Variants in TRIM5 observed in about 807,000 individuals in gnomAD.
TRIM5 encodes tripartite motif containing 5, also known as tripartite motif-containing protein 5.
A neutral mutation model predicts 35.6 loss-of-function variants in TRIM5; 31 were observed. The observed-to-expected ratio is 0.87, with a 90% CI of 0.65 to 1.18. TRIM5 has a LOEUF of 1.18. Ranked by LOEUF, TRIM5 falls within the 50% of genes most tolerant of loss-of-function variation. The pLI is 0.00. For synonymous variants in TRIM5, 243 were observed against 215.6 expected (o/e 1.13, Z -1.11); for missense variants, 609 against 591.6 (o/e 1.03, Z -0.31).
the TRIM5 span, chr11:5,643,951 C>T: frequency 1.9e-6 from 1 of 528,036 alleles, no homozygotes; most frequent in South Asian, 3.9e-5. Context: ...ATGGGTATAA[C>T]ATCCTTGCCT....
chr11:5,599,617 A>C, the TRIM5 span, among the ~76,000 whole-genome samples: 1 of 152,234 alleles, frequency 6.6e-6, no homozygotes, highest in East Asian at 1.9e-4. Flanking sequence ...GTTAGCCAGG[A>C]TGGTCTCGAT....
the TRIM5 span, among the ~76,000 whole-genome samples, chr11:5,599,258 TCTC>T: frequency 6.6e-6 from 1 of 152,108 alleles, no homozygotes; most frequent in Non-Finnish European, 1.5e-5. Context: ...AGGCAGTAGT[TCTC>T]CTTCAAGAGA....
chr11:5,617,115 T>C, the TRIM5 span, among the ~76,000 whole-genome samples: 1 of 143,432 alleles, frequency 7.0e-6, no homozygotes, highest in Non-Finnish European at 1.5e-5. Context: ...AAATAAAATA[T>C]TGATTCATTT....
At chr11:5,589,384 A>T in the TRIM5 span, 1 of 152,112 alleles carries the variant, frequency 6.6e-6, no homozygotes, top group African/African-American at 2.4e-5. Flanking sequence ...TGCCCATAGA[A>T]ATGCAAATTA....
At chr11:5,642,099 C>T in the TRIM5 span, among the ~76,000 whole-genome samples, 95 of 152,218 alleles carry the variant, frequency 6.2e-4, 1 homozygote, top group Non-Finnish European at 5.1e-4. Flanking sequence ...CTTTTCCTAT[C>T]GTTTTATCCA....
chr11:5,650,233 C>T, the TRIM5 span, among the ~76,000 whole-genome samples: 2 of 152,200 alleles, frequency 1.3e-5, no homozygotes, highest in African/African-American at 2.4e-5. Context: ...CAATGTGCAA[C>T]TAAGGTAGCT....
intron 3 of TRIM5, among the ~76,000 whole-genome samples, chr11:5,678,862 C>T (rs1852202525): frequency 6.6e-6 from 1 of 152,174 alleles, no homozygotes; most frequent in African/African-American, 2.4e-5. Flanking sequence ...GCCATCCTCA[C>T]CAGAGAGATC....
the TRIM5 span, chr11:5,643,844 G>A: frequency 2.5e-6 from 3 of 1,218,654 alleles, no homozygotes; most frequent in African/African-American, 3.0e-5. Context: ...GATGTATGGT[G>A]TATTTGGCTT....
the TRIM5 span, chr11:5,589,932 AGTTCCGG>A: frequency 6.5e-6 from 1 of 153,668 alleles, no homozygotes; most frequent in Non-Finnish European, 1.4e-5. Flanking sequence ...GGCCAGCTGG[AGTTCCGG>A]GTGGGCGTGG....
the TRIM5 span, chr11:5,625,042 G>A: frequency 6.6e-6 from 1 of 152,348 alleles, no homozygotes. Flanking sequence ...CAGGAGCCGA[G>A]ATTTCTGTTG....
At chr11:5,636,212 T>C in the TRIM5 span, among the ~76,000 whole-genome samples, 4 of 152,204 alleles carry the variant, frequency 2.6e-5, no homozygotes, top group East Asian at 7.7e-4. Flanking sequence ...AATGAATTAA[T>C]AATACATGCT....
chr11:5,610,305 CG>C, the TRIM5 span: 1 of 1,609,092 alleles, frequency 6.2e-7, no homozygotes, highest in Non-Finnish European at 8.5e-7. Context: ...AAGAAATAAA[CG>C]GGATAGAGGC....
At chr11:5,603,199 C>T in the TRIM5 span, 32 of 1,578,178 alleles carry the variant, frequency 2.0e-5, no homozygotes, top group Admixed American at 3.7e-4. Context: ...CCCTTATTCT[C>T]CCTCCTTTCT....
At chr11:5,657,885 G>C in the TRIM5 span, among the ~76,000 whole-genome samples, 17 of 150,596 alleles carry the variant, frequency 1.1e-4, no homozygotes, top group African/African-American at 4.2e-4. Context: ...CAAAGTGCTG[G>C]GATTACAGGC....
Position 5,664,819 on chromosome 11 carries a change from G to C in TRIM5, c.1472C>G (p.Pro491Arg). The C allele has an allele frequency of 6.3e-7, 1 of 1,592,336 alleles. No homozygotes were observed. ...AGTGTGTAAGAAGGTTCAAGAGCTTGGTGAGCACAGAGTCATGGGGACTCC... is the reference window on the plus strand; with the variant it reads ...AGTGTGTAAGAAGGTTCAAGAGCTTCGTGAGCACAGAGTCATGGGGACTCC... The part of the protein sequence containing the change: ...KCGVPMTLCS[P>R]SS Residue 491 changes from proline to arginine, a missense_variant, in exon 8 of 8, where the codon CCA becomes CGA. Physicochemically the swap from Pro to Arg is moderately radical, Grantham distance 103 (BLOSUM62 -2). Transcript: ENST00000380034.
At chr11:5,632,764 T>C in the TRIM5 span, 3 of 1,581,628 alleles carry the variant, frequency 1.9e-6, no homozygotes, top group Non-Finnish European at 2.6e-6. Context: ...GGTAGGGCCC[T>C]AGATGGAGGG....
chr11:5,674,605 A>G (rs1851807231), intron 4 of TRIM5, among the ~76,000 whole-genome samples: 1 of 152,244 alleles, frequency 6.6e-6, no homozygotes, highest in African/African-American at 2.4e-5. Flanking sequence ...TCTATGGATA[A>G]GCCTCCAGGC....
chr11:5,596,393 T>C, the TRIM5 span, among the ~76,000 whole-genome samples: 1 of 143,226 alleles, frequency 7.0e-6, no homozygotes, highest in Non-Finnish European at 1.5e-5. Flanking sequence ...GAGTTAAACC[T>C]CTATTCTACA....
At chr11:5,679,363 C>T (rs914066427) in intron 2 of TRIM5, among the ~76,000 whole-genome samples, 194 bp from the exon 3 acceptor site, 5 of 152,258 alleles carry the variant, frequency 3.3e-5, no homozygotes, top group African/African-American at 9.6e-5. Flanking sequence ...GGTAATAGAC[C>T]TCCCCATCTC....
Sources: gnomAD v4.1 joint callset for allele counts (sites outside exome capture counted in the v4.1 genomes callset) on GRCh38, gnomAD v4.1.1 for gene constraint, MANE v1.5 for transcripts, NCBI Gene and HGNC (gene_info 2026-07-23, HGNC 2026-07-21) for gene names.